Variants in PLA2R1 observed in about 807,000 individuals in gnomAD.
PLA2R1 encodes phospholipase A2 receptor 1, also known as secretory phospholipase A2 receptor.
In PLA2R1, 158 loss-of-function variants were observed where a neutral mutation model predicts 195.9. The ratio of observed to expected loss-of-function variants is 0.81; its 90% CI spans 0.71 to 0.92. The LOEUF (loss-of-function observed/expected upper bound fraction) is 0.92. Ranked by LOEUF, PLA2R1 falls within the 40% of genes least tolerant of loss-of-function variation. PLA2R1 has a pLI of 0.00. For missense variants in PLA2R1, 1,626 were observed against 1,764.6 expected, an observed-to-expected ratio of 0.92 and a Z score of 1.41; for synonymous variants, 586 against 598.2, an observed-to-expected ratio of 0.98 and a Z score of 0.30.
Position 159,995,247 on chromosome 2 carries a change from G to A in PLA2R1, c.1835-7889C>T, listed in dbSNP as rs147321795. Reference sequence around the variant, plus strand: ...CTTATTCAGAGACAATTTACTCAGCGTCAATCAGCTTGAGCAGCCAAACTG... The same window carrying A: ...CTTATTCAGAGACAATTTACTCAGCATCAATCAGCTTGAGCAGCCAAACTG... On this transcript the variant is annotated intron_variant, in intron 11 of 29. Coordinates refer to ENST00000283243, the MANE Select transcript of PLA2R1 (RefSeq NM_007366.5). Among the ~76,000 whole-genome samples, 782 of 152,144 alleles carry A rather than the reference G, an allele frequency of 5.1e-3. 6 individuals are homozygous for A. Among genetic ancestry groups the A allele is most frequent in the Non-Finnish European group, 8.9e-3 (604 of 67,974 alleles).
chr2:160,029,617 T>C (rs1192731209), intron 4 of PLA2R1, among the ~76,000 whole-genome samples: 2 of 152,192 alleles, frequency 1.3e-5, no homozygotes, highest in Admixed American at 1.3e-4. Flanking sequence ...TTATAGATAC[T>C]ATGAATAAAA....
chr2:159,924,612 T>C, the PLA2R1 span, among the ~76,000 whole-genome samples: 1 of 150,108 alleles, frequency 6.7e-6, no homozygotes, highest in Non-Finnish European at 1.5e-5. Flanking sequence ...GCCAGAATCT[T>C]TAAACTGAAA....
chr2:160,055,566 C>T (rs570639475), intron 1 of PLA2R1, among the ~76,000 whole-genome samples: 3 of 152,284 alleles, frequency 2.0e-5, no homozygotes, highest in Non-Finnish European at 2.9e-5. Context: ...GAAACCAAAT[C>T]GCATGCTTCT....
chr2:160,015,745 C>T (rs1692693694), intron 9 of PLA2R1, among the ~76,000 whole-genome samples: 1 of 152,072 alleles, frequency 6.6e-6, no homozygotes, highest in Admixed American at 6.5e-5. Context: ...TACTATCCAA[C>T]TAGAGTATGA....
rs762784868 is a variant in PLA2R1, at chr2:159,941,822, C to G, written c.4348G>C (p.Glu1450Gln). 6.2e-7 allele frequency: 1 copy of G among 1,611,314 alleles called. No individual in the cohort carries two copies. The highest frequency in any genetic ancestry group is 8.5e-7 in the Non-Finnish European group (1 of 1,177,650). ...AGATCAGAAATGAGAATATTTTCTT[C>G]TAAATATACTGTACTAAAGTTGGTT... ...PATNFSTVYLEENILISDLEK... is the reference protein window; with the variant it reads ...PATNFSTVYLQENILISDLEK... Residue 1450 changes from glutamate to glutamine, a missense_variant, in exon 30 of 30, where the codon GAA (glutamate) becomes CAA (glutamine). Coordinates refer to ENST00000283243, the MANE Select transcript of PLA2R1 (RefSeq NM_007366.5).
intron 20 of PLA2R1, among the ~76,000 whole-genome samples, chr2:159,967,155 G>A (rs1688841792): frequency 6.6e-6 from 1 of 152,062 alleles, no homozygotes; most frequent in Non-Finnish European, 1.5e-5. Flanking sequence ...ACACAGGCAT[G>A]CAGGCACATA....
intron 20 of PLA2R1, among the ~76,000 whole-genome samples, chr2:159,965,076 C>T (rs1369593003): frequency 6.6e-6 from 1 of 152,146 alleles, no homozygotes; most frequent in Non-Finnish European, 1.5e-5. Flanking sequence ...CACACATACA[C>T]AGCCTCCCGC....
rs1560127240 is a variant in PLA2R1, at chr2:159,942,123, G to GT, written c.4177+3dup. ...CAAAATGTTTTGTATGGTTTCAAAC[G>GT]TACCTTTTTCTGGCAGCGCCTCTGC... On this transcript the variant is annotated splice_donor_region_variant and intron_variant, in intron 29 of 29. Coordinates refer to ENST00000283243, the MANE Select transcript of PLA2R1 (RefSeq NM_007366.5). 4 of 1,608,798 alleles carry GT rather than the reference G, an allele frequency of 2.5e-6. No individual in the cohort carries two copies. The highest frequency in any genetic ancestry group is 3.4e-6 in the Non-Finnish European group (4 of 1,175,592).
downstream of PLA2R1, among the ~76,000 whole-genome samples, chr2:159,929,579 G>A (rs964129762): frequency 8.5e-5 from 13 of 152,156 alleles, no homozygotes. Context: ...AACCACTATG[G>A]AAAACAGTGT....
chr2:159,992,789 T>G (rs1050026105), intron 11 of PLA2R1, among the ~76,000 whole-genome samples: 5 of 152,178 alleles, frequency 3.3e-5, no homozygotes, highest in Non-Finnish European at 7.4e-5. Flanking sequence ...TTCAAGAAAA[T>G]AAACCTGACT....
At chr2:159,969,434 T>C (rs1174036738) in intron 18 of PLA2R1, 75 bp from the exon 19 acceptor site, 4 of 780,600 alleles carry the variant, frequency 5.1e-6, no homozygotes, top group Non-Finnish European at 8.9e-6. Flanking sequence ...CTTAGAGTTC[T>C]GAGGTAGGGA....
At chr2:159,926,348 G>C in the PLA2R1 span, among the ~76,000 whole-genome samples, 1 of 152,152 alleles carries the variant, frequency 6.6e-6, no homozygotes, top group Non-Finnish European at 1.5e-5. Context: ...TAATAATATG[G>C]ATTACAGTTG....
At chr2:160,016,475 G>A (rs1219882751) in intron 9 of PLA2R1, 139 bp downstream of exon 9, 2 of 586,130 alleles carry the variant, frequency 3.4e-6, no homozygotes, top group South Asian at 2.0e-5. Flanking sequence ...GAAAGAAGGG[G>A]GGGGTGCGAG....
Position 160,016,641 on chromosome 2 carries a change from G to T in PLA2R1, c.1524C>A (p.Leu508=). 1 of 1,606,462 alleles carries T rather than the reference G, an allele frequency of 6.2e-7. No homozygotes were observed. Among genetic ancestry groups the T allele is most frequent in the Non-Finnish European group, 8.5e-7 (1 of 1,173,016 alleles). ...CTTGACATCCTGATTCAGCATCAGA[G>T]AGGACATGGCCTGCTTTTTTACAAA... The part of the protein sequence containing the change: ...FYICKKAGHV[L]SDAESGCQEG... The change falls in exon 9 of 30, where the codon CTC becomes CTA. Residue 508 remains leucine, a synonymous_variant. Coordinates refer to ENST00000283243, the MANE Select transcript of PLA2R1 (RefSeq NM_007366.5).
At chr2:159,966,708 T>A (rs2105222764) in intron 20 of PLA2R1, among the ~76,000 whole-genome samples, 1 of 152,302 alleles carries the variant, frequency 6.6e-6, no homozygotes, top group African/African-American at 2.4e-5. Flanking sequence ...AGATTAAAAA[T>A]TGGCTGTCCA....
intron 2 of PLA2R1, 75 bp from the exon 3 acceptor site, chr2:160,042,273 G>T: frequency 7.5e-7 from 1 of 1,326,530 alleles, no homozygotes; most frequent in Non-Finnish European, 1.1e-6. Context: ...TATATCGAAA[G>T]CATTTTTTAT....
intron 20 of PLA2R1, among the ~76,000 whole-genome samples, chr2:159,958,916 T>C (rs982756643): frequency 6.6e-6 from 1 of 152,212 alleles, no homozygotes; most frequent in Non-Finnish European, 1.5e-5. Context: ...AACTCAGTCC[T>C]GATCATGTCA....
chr2:160,015,403 T>G (rs551683519), intron 9 of PLA2R1, among the ~76,000 whole-genome samples: 265 of 152,276 alleles, frequency 1.7e-3, no homozygotes, highest in African/African-American at 6.2e-3. Context: ...CATAATAAAA[T>G]TACTGGAAAT....
chr2:159,924,112 C>T, the PLA2R1 span, among the ~76,000 whole-genome samples: 11 of 152,270 alleles, frequency 7.2e-5, no homozygotes, highest in African/African-American at 2.6e-4. Flanking sequence ...TGGCTTGTGG[C>T]TGCATAAGCA....
Sources: gnomAD v4.1 joint callset for allele counts (sites outside exome capture counted in the v4.1 genomes callset) on GRCh38, gnomAD v4.1.1 for gene constraint, MANE v1.5 for transcripts, NCBI Gene and HGNC (gene_info 2026-07-23, HGNC 2026-07-21) for gene names.